Variants in EEIG2 observed in about 807,000 individuals in gnomAD.
EEIG2 encodes EEIG family member 2, also known as family with sequence similarity 102 member B.
chr1:108,574,291 T>G, the EEIG2 span, among the ~76,000 whole-genome samples: 1 of 152,140 alleles, frequency 6.6e-6, no homozygotes, highest in African/African-American at 2.4e-5. Flanking sequence ...TGATTCTGCT[T>G]AAATGAGGTA....
At chr1:108,628,328 G>A in the EEIG2 span, 23 of 1,611,292 alleles carry the variant, frequency 1.4e-5, no homozygotes, top group Non-Finnish European at 2.0e-5. Context: ...CTGTGGTGTG[G>A]GGGAACGATG....
At chr1:108,618,359 G>A in the EEIG2 span, among the ~76,000 whole-genome samples, 32 of 152,272 alleles carry the variant, frequency 2.1e-4, no homozygotes, top group Admixed American at 6.5e-4. Flanking sequence ...AGCAAGGACA[G>A]GGAAGATAGA....
the EEIG2 span, among the ~76,000 whole-genome samples, chr1:108,619,621 C>T: frequency 1.3e-5 from 2 of 152,186 alleles, no homozygotes; most frequent in African/African-American, 4.8e-5. Context: ...AGCATGGTGG[C>T]TTATGCCTGT....
At chr1:108,567,874 TG>T in the EEIG2 span, among the ~76,000 whole-genome samples, 2 of 152,080 alleles carry the variant, frequency 1.3e-5, no homozygotes, top group Admixed American at 6.6e-5. Flanking sequence ...GGCATGCACC[TG>T]TGTTCCCAGC....
the EEIG2 span, among the ~76,000 whole-genome samples, chr1:108,603,567 T>C: frequency 6.6e-6 from 1 of 152,198 alleles, no homozygotes; most frequent in African/African-American, 2.4e-5. Flanking sequence ...CACATCACTC[T>C]GAACCTCAAA....
the EEIG2 span, among the ~76,000 whole-genome samples, chr1:108,605,181 G>C: frequency 6.6e-6 from 1 of 152,148 alleles, no homozygotes; most frequent in South Asian, 2.1e-4. Flanking sequence ...GGCTATAGAG[G>C]GGAGCAAAGA....
chr1:108,635,780 G>A, the EEIG2 span: 3 of 152,356 alleles, frequency 2.0e-5, no homozygotes, highest in East Asian at 1.9e-4. Context: ...TCAGAGATAC[G>A]TGAATGGATG....
At chr1:108,633,903 C>A in the EEIG2 span, among the ~76,000 whole-genome samples, 3 of 152,178 alleles carry the variant, frequency 2.0e-5, no homozygotes, top group African/African-American at 7.2e-5. Flanking sequence ...GAGAGACCAG[C>A]AGGCTGTGTT....
the EEIG2 span, among the ~76,000 whole-genome samples, chr1:108,608,544 T>C: frequency 1.6e-4 from 24 of 152,314 alleles, no homozygotes; most frequent in African/African-American, 5.3e-4. Flanking sequence ...TAAGGAAACA[T>C]AGACTTTCTG....
the EEIG2 span, among the ~76,000 whole-genome samples, chr1:108,587,523 T>C: frequency 6.6e-6 from 1 of 152,158 alleles, no homozygotes; most frequent in Non-Finnish European, 1.5e-5. Flanking sequence ...CATAGCATCA[T>C]ACAGAGAAGT....
At chr1:108,634,534 T>G in the EEIG2 span, among the ~76,000 whole-genome samples, 2 of 152,198 alleles carry the variant, frequency 1.3e-5, no homozygotes, top group African/African-American at 4.8e-5. Context: ...TGGTGATAAC[T>G]TCAGGCAGTA....
chr1:108,628,092 G>C, the EEIG2 span: 1 of 1,257,358 alleles, frequency 8.0e-7, no homozygotes, highest in Non-Finnish European at 1.2e-6. Flanking sequence ...AGTTTATAAA[G>C]TCTGCAGAGT....
the EEIG2 span, among the ~76,000 whole-genome samples, chr1:108,562,470 G>T: frequency 6.6e-6 from 1 of 152,148 alleles, no homozygotes; most frequent in Non-Finnish European, 1.5e-5. Context: ...ATATAGTATG[G>T]GGGAAATGAC....
At chr1:108,603,345 C>T in the EEIG2 span, among the ~76,000 whole-genome samples, 1 of 152,174 alleles carries the variant, frequency 6.6e-6, no homozygotes, top group African/African-American at 2.4e-5. Context: ...AATCTGGGGA[C>T]AACCAAAGAG....
At chr1:108,586,736 C>G in the EEIG2 span, among the ~76,000 whole-genome samples, 10 of 152,042 alleles carry the variant, frequency 6.6e-5, no homozygotes, top group Non-Finnish European at 1.2e-4. Context: ...TGAATACTAG[C>G]TGAAGAGTTT....
At chr1:108,575,147 C>A in the EEIG2 span, among the ~76,000 whole-genome samples, 23 of 152,186 alleles carry the variant, frequency 1.5e-4, no homozygotes, top group Non-Finnish European at 2.8e-4. Flanking sequence ...CTGAAAAATG[C>A]TTTCCTGATG....
At chr1:108,613,167 G>A in the EEIG2 span, among the ~76,000 whole-genome samples, 2 of 152,196 alleles carry the variant, frequency 1.3e-5, no homozygotes, top group African/African-American at 4.8e-5. Context: ...CAGAAGACAA[G>A]GAAGAAATTA....
chr1:108,615,876 C>A, the EEIG2 span, among the ~76,000 whole-genome samples: 1 of 151,936 alleles, frequency 6.6e-6, no homozygotes, highest in East Asian at 1.9e-4. Context: ...CAGCTGGCAT[C>A]CCTTGAAACA....
chr1:108,594,688 C>T, the EEIG2 span, among the ~76,000 whole-genome samples: 3 of 152,150 alleles, frequency 2.0e-5, no homozygotes, highest in East Asian at 5.8e-4. Flanking sequence ...TTAGTATCAT[C>T]ATCTTCAGGG....
Sources: allele counts gnomAD v4.1 joint callset (sites outside exome capture counted in the v4.1 genomes callset), GRCh38; gene constraint gnomAD v4.1.1; transcripts MANE v1.5; gene names NCBI Gene and HGNC (gene_info 2026-07-23, HGNC 2026-07-21).